Variants in ATP5MF observed in about 807,000 individuals in gnomAD.
ATP5MF encodes ATP synthase F(0) complex subunit f, mitochondrial.
ATP5MF carries 10 observed loss-of-function variants against 13.8 expected under a neutral mutation model. The ratio of observed to expected loss-of-function variants is 0.72; its 90% CI spans 0.45 to 1.23. The LOEUF (loss-of-function observed/expected upper bound fraction) is 1.23. ATP5MF is among the 50% of genes most tolerant of loss of function. ATP5MF has a pLI of 0.00. For missense variants in ATP5MF, 122 were observed against 118.2 expected, an observed-to-expected ratio of 1.03 and a Z score of -0.15; for synonymous variants, 40 against 45.8, an observed-to-expected ratio of 0.87 and a Z score of 0.51.
At chr7:99,465,847 G>A (rs1426991823) in intron 1 of ATP5MF, among the ~76,000 whole-genome samples, 1 of 152,206 alleles carries the variant, frequency 6.6e-6, no homozygotes, top group Admixed American at 6.5e-5. Context: ...AAGAGGAACA[G>A]TGGCCCAAGG....
intron 2 of ATP5MF, 140 bp from the exon 3 acceptor site, chr7:99,459,403 A>T: frequency 1.5e-6 from 1 of 667,828 alleles, no homozygotes; most frequent in South Asian, 1.7e-5. Context: ...TCACTGGCTG[A>T]TAAAGATGAC....
intron 2 of ATP5MF, chr7:99,459,848 G>C: frequency 2.0e-6 from 1 of 511,330 alleles, no homozygotes; most frequent in Non-Finnish European, 3.4e-6. Context: ...GACAGAGGCA[G>C]ACATACTGAT....
Position 99,466,122 on chromosome 7 carries a change from C to A in ATP5MF, c.20G>T (p.Cys7Phe), listed in dbSNP as rs749331326. The change falls in exon 1 of 4, where the codon TGT (cysteine) becomes TTT (phenylalanine). Residue 7 changes from cysteine to phenylalanine, a missense_variant. Coordinates refer to ENST00000292475, the MANE Select transcript of ATP5MF (RefSeq NM_004889.5). MASVGE[C>F]PAPVPVKDKK... ...CCAAACAGCCTTACCTGGGGCCGGA[C>A]ACTCACCAACTGACGCCATTTTGGA... is the stretch of plus-strand genomic sequence containing the variant. The A allele has an allele frequency of 2.8e-5, 46 of 1,614,064 alleles. No homozygotes were observed. The highest frequency in any genetic ancestry group is 2.0e-5 in the Non-Finnish European group (24 of 1,180,034).
At chr7:99,462,653 T>C (rs1357454459) in intron 1 of ATP5MF, among the ~76,000 whole-genome samples, 2 of 152,222 alleles carry the variant, frequency 1.3e-5, no homozygotes, top group African/African-American at 2.4e-5. Context: ...CGTGTGCCTG[T>C]AGTCCCCGCT....
intron 1 of ATP5MF, among the ~76,000 whole-genome samples, chr7:99,460,982 C>T (rs1407847796): frequency 6.6e-6 from 1 of 152,090 alleles, no homozygotes; most frequent in Admixed American, 6.5e-5. Context: ...AGTCAAGTGA[C>T]GAAAAACCAC....
intron 1 of ATP5MF, among the ~76,000 whole-genome samples, chr7:99,461,002 C>T (rs948526413): frequency 2.6e-5 from 4 of 152,176 alleles, no homozygotes; most frequent in Admixed American, 6.5e-5. Flanking sequence ...CTCCAAATGA[C>T]TGAACGGCCC....
rs763189831 is a variant in ATP5MF at position 99,460,208 on chromosome 7, T to A, written c.32-15A>T. 6.2e-7 allele frequency: 1 copy of A among 1,612,184 alleles called. No individual in the cohort carries two copies. The highest frequency in any genetic ancestry group is 1.1e-5 in the South Asian group (1 of 90,588). The stretch of plus-strand genomic sequence containing the variant: ...CTTCACTGGTACTGAAACGGAAGAG[T>A]GAGAAAAAATACCCACTGAATAATC... On this transcript the variant is annotated splice_polypyrimidine_tract_variant and intron_variant, in intron 1 of 3. Coordinates refer to ENST00000292475, the MANE Select transcript of ATP5MF (RefSeq NM_004889.5).
Position 99,459,164 on chromosome 7 carries a change from AAGG to A in ATP5MF, c.236_238del (p.Ser79del). The A allele has an allele frequency of 6.2e-7, 1 of 1,613,776 alleles. No homozygotes were observed. The highest frequency in any genetic ancestry group is 8.5e-7 in the Non-Finnish European group (1 of 1,179,856). ...GCACTCACTGAGATGCTTGTAGGAA[AAGG>A]AGTAGCTAAAGAGCACGTAGCATGC... On this transcript the variant is annotated inframe_deletion, in exon 3 of 4. Transcript: ENST00000292475.
At chr7:99,464,372 A>AGAGGCCG (rs1342434834) in intron 1 of ATP5MF, among the ~76,000 whole-genome samples, 1 of 152,252 alleles carries the variant, frequency 6.6e-6, no homozygotes, top group Admixed American at 6.5e-5. Context: ...TTAAGAATAC[A>AGAGGCCG]GAGGCCGGAG....
chr7:99,458,300 G>A lies in ATP5MF; in HGVS notation c.*27C>T. On this transcript the variant is annotated 3_prime_UTR_variant, in exon 4 of 4. Coordinates refer to ENST00000292475, the MANE Select transcript of ATP5MF (RefSeq NM_004889.5). ...GGAGGGGCTCGGGCCAAGGTCGTGGGGTGGGGGGGTGCAGAGTGTGTCCTC... is the reference window on the plus strand; with the variant it reads ...GGAGGGGCTCGGGCCAAGGTCGTGGAGTGGGGGGGTGCAGAGTGTGTCCTC... 6.2e-7 allele frequency: 1 copy of A among 1,607,928 alleles called. No individual in the cohort carries two copies. The highest frequency in any genetic ancestry group is 8.5e-7 in the Non-Finnish European group (1 of 1,177,910).
chr7:99,461,895 C>G (rs558486301), intron 1 of ATP5MF, among the ~76,000 whole-genome samples: 1 of 150,596 alleles, frequency 6.6e-6, no homozygotes, highest in African/African-American at 2.4e-5. Context: ...TGACCTCAGG[C>G]GATCTGCCCA....
At chr7:99,458,501 G>A in intron 3 of ATP5MF, 146 bp from the exon 4 acceptor site, 5 of 793,052 alleles carry the variant, frequency 6.3e-6, no homozygotes, top group Non-Finnish European at 9.7e-6. Flanking sequence ...TGTCTCTGCA[G>A]AATCAGCAGA....
intron 1 of ATP5MF, 29 bp downstream of exon 1, chr7:99,466,082 C>T: frequency 1.2e-6 from 2 of 1,614,088 alleles, no homozygotes; most frequent in Admixed American, 1.7e-5. Context: ...CTGGCTCCTG[C>T]TTCCACCACG....
At chr7:99,459,987 G>A (rs1334092690) in intron 2 of ATP5MF, 99 bp downstream of exon 2, 4 of 1,364,836 alleles carry the variant, frequency 2.9e-6, no homozygotes, top group Non-Finnish European at 3.0e-6. Context: ...ACTGCTTTCA[G>A]ACAACAAGGC....
intron 3 of ATP5MF, 153 bp downstream of exon 3, chr7:99,458,994 G>A: frequency 1.6e-6 from 1 of 612,596 alleles, no homozygotes; most frequent in Non-Finnish European, 2.9e-6. Flanking sequence ...ACTGTACTCT[G>A]ATAGGTCCCT....
intron 2 of ATP5MF, chr7:99,459,560 C>T (rs1300670224): frequency 9.1e-6 from 3 of 329,046 alleles, no homozygotes; most frequent in Middle Eastern, 9.7e-4. Flanking sequence ...CAGGCATGCA[C>T]CACCACAGCC....
chr7:99,459,101 C>A (rs1798476425), intron 3 of ATP5MF, 46 bp downstream of exon 3: 1 of 1,447,990 alleles, frequency 6.9e-7, no homozygotes, highest in Non-Finnish European at 9.7e-7. Flanking sequence ...CAGTCACCAC[C>A]ACCCTCTCAT....
At chr7:99,464,005 G>A (rs555892427) in intron 1 of ATP5MF, among the ~76,000 whole-genome samples, 1 of 152,232 alleles carries the variant, frequency 6.6e-6, no homozygotes, top group African/African-American at 2.4e-5. Flanking sequence ...ATACCTAAGA[G>A]ACATGGACTC....
intron 1 of ATP5MF, chr7:99,460,456 A>T: frequency 1.5e-6 from 1 of 683,242 alleles, no homozygotes; most frequent in Non-Finnish European, 2.7e-6. Flanking sequence ...GAGTAACTCC[A>T]GAAAAGGGTC....
Sources: allele counts gnomAD v4.1 joint callset (sites outside exome capture counted in the v4.1 genomes callset), GRCh38; gene constraint gnomAD v4.1.1; transcripts MANE v1.5; gene names NCBI Gene and HGNC (gene_info 2026-07-23, HGNC 2026-07-21).